The following NDST4 variants were observed in gnomAD, a reference collection of about 807,000 sequenced individuals.
The protein encoded by NDST4 is N-deacetylase and N-sulfotransferase 4, also known as N-heparan sulfate sulfotransferase 4.
NDST4 carries 63 observed loss-of-function variants against 100.8 expected under a neutral mutation model. The observed-to-expected ratio is 0.62, with a 90% CI of 0.51 to 0.77. The LOEUF is 0.77. Among genes scored for constraint, NDST4 ranks in the 30% least tolerant of loss-of-function variants. NDST4 has a pLI of 0.00. For missense variants in NDST4, 943 were observed against 1,018.4 expected (o/e 0.93, Z 1.01); for synonymous variants, 377 against 361.8 (o/e 1.04, Z -0.48).
Position 115,020,824 on chromosome 4 carries a change from CT to C in NDST4, c.979-43551del, listed in dbSNP as rs375105392. On this transcript the variant is annotated intron_variant, in intron 2 of 13. Coordinates refer to ENST00000264363, the MANE Select transcript of NDST4 (RefSeq NM_022569.3). ...TCGTATGAAAAAATGCTCATCTCCA[CT>C]AATGATCAGGGAAATGCAAATCAAA... Among the ~76,000 whole-genome samples the C allele has an allele frequency of 2.4e-3, 367 of 152,214 alleles. 1 individual carries two copies. The highest frequency in any genetic ancestry group is 8.4e-3 in the African/African-American group (350 of 41,558).
chr4:114,985,686 A>G (rs892360177), intron 2 of NDST4, among the ~76,000 whole-genome samples: 4 of 152,218 alleles, frequency 2.6e-5, no homozygotes, highest in Non-Finnish European at 5.9e-5. Flanking sequence ...CACATAACAA[A>G]TCAATCAAAT....
intron 6 of NDST4, among the ~76,000 whole-genome samples, chr4:114,894,558 A>C (rs1560799711): frequency 6.6e-6 from 1 of 152,182 alleles, no homozygotes; most frequent in Non-Finnish European, 1.5e-5. Flanking sequence ...GTTGCTGTAA[A>C]GGAATGCTTG....
chr4:114,862,154 T>C (rs1028818455), intron 7 of NDST4, among the ~76,000 whole-genome samples: 19 of 152,130 alleles, frequency 1.2e-4, no homozygotes, highest in Non-Finnish European at 2.2e-4. Context: ...GCAATCGGCA[T>C]AGACTAATTT....
At chr4:115,078,130 A>C (rs967882960) in intron 1 of NDST4, among the ~76,000 whole-genome samples, 7 of 152,210 alleles carry the variant, frequency 4.6e-5, no homozygotes, top group African/African-American at 1.4e-4. Flanking sequence ...CTCTAAAAAA[A>C]CACCTGAGAC....
chr4:114,974,687 G>A (rs867933390), intron 3 of NDST4, among the ~76,000 whole-genome samples: 4 of 151,934 alleles, frequency 2.6e-5, no homozygotes, highest in African/African-American at 7.3e-5. Context: ...CCTGCACTAC[G>A]TCCTTCCTCT....
intron 6 of NDST4, among the ~76,000 whole-genome samples, chr4:114,897,706 A>T (rs367841496): frequency 6.6e-6 from 1 of 152,200 alleles, no homozygotes; most frequent in East Asian, 1.9e-4. Flanking sequence ...AATGAATGAG[A>T]GTTCATGTGG....
At chr4:114,855,712 T>G (rs896135268) in intron 7 of NDST4, among the ~76,000 whole-genome samples, 2 of 152,304 alleles carry the variant, frequency 1.3e-5, no homozygotes, top group Admixed American at 6.5e-5. Context: ...AATGTGATTC[T>G]TCCTATTTTG....
intron 6 of NDST4, among the ~76,000 whole-genome samples, chr4:114,873,946 C>G (rs1477706689): frequency 2.0e-5 from 3 of 152,088 alleles, no homozygotes; most frequent in Admixed American, 6.6e-5. Flanking sequence ...TGCTAAAGTA[C>G]ACATAAAATG....
At chr4:115,005,937 G>A (rs746793239) in intron 2 of NDST4, among the ~76,000 whole-genome samples, 2 of 151,220 alleles carry the variant, frequency 1.3e-5, no homozygotes, top group Non-Finnish European at 2.9e-5. Flanking sequence ...GGAGGCTGAG[G>A]CAGAGAATCG....
At chr4:114,842,607 C>T in intron 10 of NDST4, 1 of 100,800 alleles carries the variant, frequency 9.9e-6, no homozygotes, top group African/African-American at 4.5e-5. Flanking sequence ...ACGATGAAAA[C>T]CAGTCTCTAC....
At chr4:114,944,584 T>C (rs919720496) in intron 4 of NDST4, among the ~76,000 whole-genome samples, 6 of 152,192 alleles carry the variant, frequency 3.9e-5, no homozygotes, top group Admixed American at 2.0e-4. Flanking sequence ...ATAGTTACTA[T>C]GAAATCTGTC....
At chr4:114,994,532 T>A (rs916296530) in intron 2 of NDST4, among the ~76,000 whole-genome samples, 1 of 151,948 alleles carries the variant, frequency 6.6e-6, no homozygotes, top group African/African-American at 2.4e-5. Context: ...TGGAAATCAG[T>A]TACAAGGAGG....
chr4:115,033,674 T>G (rs574849527), intron 2 of NDST4, among the ~76,000 whole-genome samples: 180 of 152,204 alleles, frequency 1.2e-3, no homozygotes, highest in African/African-American at 4.2e-3. Context: ...AAGTGAATAG[T>G]CATTAGTGAC....
chr4:114,844,969 C>T (rs1476097815), intron 10 of NDST4, among the ~76,000 whole-genome samples: 1 of 152,078 alleles, frequency 6.6e-6, no homozygotes, highest in Non-Finnish European at 1.5e-5. Context: ...TATTGGAACA[C>T]TTGAGAACCT....
At chr4:114,975,489 A>G (rs1376317066) in intron 3 of NDST4, among the ~76,000 whole-genome samples, 1 of 152,104 alleles carries the variant, frequency 6.6e-6, no homozygotes, top group African/African-American at 2.4e-5. Flanking sequence ...TCCTTCTTCA[A>G]TAACTATTTC....
At chr4:115,028,828 T>C (rs138118327) in intron 2 of NDST4, among the ~76,000 whole-genome samples, 3 of 152,188 alleles carry the variant, frequency 2.0e-5, no homozygotes, top group Middle Eastern at 3.4e-3. Flanking sequence ...TTAGTTAAGA[T>C]CCTCACAGGA....
intron 5 of NDST4, among the ~76,000 whole-genome samples, chr4:114,936,445 GAT>G (rs1366759075): frequency 6.6e-6 from 1 of 152,078 alleles, no homozygotes; most frequent in Non-Finnish European, 1.5e-5. Context: ...ATAAATCATA[GAT>G]AGATAAATAG....
intron 2 of NDST4, among the ~76,000 whole-genome samples, chr4:115,044,173 G>A (rs1728412822): frequency 6.6e-6 from 1 of 152,120 alleles, no homozygotes; most frequent in Admixed American, 6.5e-5. Context: ...TATCTAGGTA[G>A]GGACTGATCC....
intron 4 of NDST4, among the ~76,000 whole-genome samples, chr4:114,966,890 T>G (rs1296153707): frequency 6.6e-6 from 1 of 152,072 alleles, no homozygotes; most frequent in Non-Finnish European, 1.5e-5. Context: ...ATCTAAAAAC[T>G]TTGTAGTTTA....
Sources: gnomAD v4.1 joint callset for allele counts (sites outside exome capture counted in the v4.1 genomes callset) on GRCh38, gnomAD v4.1.1 for gene constraint, MANE v1.5 for transcripts, NCBI Gene and HGNC (gene_info 2026-07-23, HGNC 2026-07-21) for gene names.